Variants in FBXW5 observed in about 807,000 individuals in gnomAD.
FBXW5 encodes the protein F-box/WD repeat-containing protein 5.
Under a neutral mutation model 50.9 loss-of-function variants are expected in FBXW5, and 74 were observed. That is an observed-to-expected ratio of 1.45 (90% CI 1.20 to 1.76). The LOEUF (loss-of-function observed/expected upper bound fraction) is 1.76, where lower values mean the gene tolerates loss of function less well. Ranked by LOEUF, FBXW5 falls within the 40% of genes most tolerant of loss-of-function variation. FBXW5 has a pLI of 0.00. For synonymous variants in FBXW5, 523 were observed against 362.2 expected, an observed-to-expected ratio of 1.44 and a Z score of -5.04; for missense variants, 1,073 against 818.8, an observed-to-expected ratio of 1.31 and a Z score of -3.79.
chr9:136,942,011 G>A, intron 6 of FBXW5, 35 bp downstream of exon 6: 2 of 1,571,062 alleles, frequency 1.3e-6, no homozygotes, highest in Non-Finnish European at 1.7e-6. Context: ...CAAGCTCCTA[G>A]GACCGAGGCG....
In FBXW5 at chr9:136,944,141, C is replaced by A; in HGVS notation, c.-23-35G>T. The A allele has an allele frequency of 6.0e-6, 9 of 1,500,860 alleles. No individual in the cohort carries two copies. In the South Asian group the frequency reaches 9.0e-5, roughly 15 times the overall value. The allele number at this position is 1,500,860 out of a possible 1,614,324, so 93.0% of individuals were successfully genotyped here. A position where few individuals can be genotyped will look rare whatever the true frequency, so the allele number is the denominator to read the frequency against. On this transcript the variant is annotated intron_variant, in intron 1 of 8. Transcript: ENST00000325285. Reference sequence around the variant, plus strand: ...ACCAACGGCTGCCCTCAGCCCAGGCCCGGGAAGGGAGGCCGAGAGCGGGCG... The same window carrying A: ...ACCAACGGCTGCCCTCAGCCCAGGCACGGGAAGGGAGGCCGAGAGCGGGCG...
rs200879994 is a variant in FBXW5, at chr9:136,941,557, C to T, written c.1224G>A (p.Met408Ile). The T allele has an allele frequency of 9.3e-6, 15 of 1,611,298 alleles. No homozygotes were observed. The East Asian group carries it at 1.8e-4, about 19-fold the overall frequency. Reference sequence around the variant, plus strand: ...CCCACCTGTTGTCGGGCGACAGGCCCATGCCGATGATGTGTCCGTGTATGT... The same window carrying T: ...CCCACCTGTTGTCGGGCGACAGGCCTATGCCGATGATGTGTCCGTGTATGT... The part of the protein sequence containing the change: ...VIDIHGHIIG[M>I]GLSPDNRYLY... Residue 408 changes from methionine (M) to isoleucine (I), a missense_variant, in exon 7 of 9, where the codon ATG (methionine) becomes ATA (isoleucine). Transcript: ENST00000325285.
intron 2 of FBXW5, 93 bp from the exon 3 acceptor site, chr9:136,943,599 G>C: frequency 6.8e-7 from 1 of 1,479,064 alleles, no homozygotes; most frequent in Non-Finnish European, 9.1e-7. Context: ...GGCAGGCCCC[G>C]TGGTGCCCCT....
At chr9:136,941,211 T>C in intron 8 of FBXW5, 40 bp from the exon 9 acceptor site, 2 of 1,599,440 alleles carry the variant, frequency 1.3e-6, no homozygotes, top group South Asian at 2.2e-5. Flanking sequence ...GCCCGCCCGC[T>C]GCTGCCCACA....
At position 136,943,406 on chromosome 9, in the gene FBXW5, G is replaced by C; in HGVS notation, c.294C>G (p.Leu98=). The C allele has an allele frequency of 6.2e-7, 1 of 1,612,928 alleles. No homozygotes were observed. Among genetic ancestry groups the C allele is most frequent in the Non-Finnish European group, 8.5e-7 (1 of 1,179,972 alleles). The stretch of plus-strand genomic sequence containing the variant: ...ACTGGTACCCGGAATGGGAGAAGCT[G>C]AGGTGCAGGACCTGGTCTGTGTGTT... The part of the protein sequence containing the change: ...LREHTDQVLH[L]SFSHSGYQFA... Residue 98 remains leucine (L), a synonymous_variant, in exon 3 of 9, where the codon CTC becomes CTG. Coordinates refer to ENST00000325285, the MANE Select transcript of FBXW5 (RefSeq NM_018998.4).
intron 2 of FBXW5, 144 bp downstream of exon 2, chr9:136,943,747 C>T: frequency 9.3e-7 from 1 of 1,075,864 alleles, no homozygotes; most frequent in East Asian, 2.6e-5. Context: ...TGCGCTGTGT[C>T]CTGACAGGCC....
At position 136,944,027 on chromosome 9, in the gene FBXW5, C is replaced by T. The variant is rs1344524251; in HGVS notation, c.57G>A (p.Leu19=). The change falls in exon 2 of 9, where the codon CTG becomes CTA. Residue 19 remains leucine (L), a synonymous_variant. Transcript: ENST00000325285. ...LPDSLVYQIF[L]SLGPADVLAA... ...CCAGCACGTCGGCCGGGCCCAGGCT[C>T]AGGAAGATCTGGTAGACCAGGCTGT... 6.2e-7 allele frequency: 1 copy of T among 1,603,956 alleles called. No homozygotes were observed.
In FBXW5 at chr9:136,941,038, CG is replaced by C; in HGVS notation, c.1590del (p.Ser530ArgfsTer74). 6.4e-7 allele frequency: 1 copy of C among 1,553,930 alleles called. No homozygotes were observed. The highest frequency in any genetic ancestry group is 8.7e-7 in the Non-Finnish European group (1 of 1,148,580). On this transcript the variant is annotated frameshift_variant, in exon 9 of 9. Coordinates refer to ENST00000325285, the MANE Select transcript of FBXW5 (RefSeq NM_018998.4). LOFTEE classifies it high-confidence loss of function. ...CGCCAGGCTTTGATGGTGGCGTCGT[CG>C]CTGGCCGTGAGCAGCAGCTCCTGCT... is the stretch of plus-strand genomic sequence containing the variant. ...PQEQELLLTASDDATIKAWRS... is the reference protein window; with the variant it reads ...PQEQELLLTAXDDATIKAWRS...
rs372226218 is a variant in FBXW5, at chr9:136,941,574, C to T, written c.1207G>A (p.Gly403Arg). 51 of 1,611,192 alleles carry T rather than the reference C, an allele frequency of 3.2e-5. No homozygotes were observed. Among genetic ancestry groups the T allele is most frequent in the Non-Finnish European group, 4.2e-5 (49 of 1,179,502 alleles). Residue 403 changes from glycine to arginine, a missense_variant, in exon 7 of 9, where the codon GGA becomes AGA. Physicochemically the swap from Gly to Arg is moderately radical, Grantham distance 125. Coordinates refer to ENST00000325285, the MANE Select transcript of FBXW5 (RefSeq NM_018998.4). ...DALDHVIDIH[G>R]HIIGMGLSPD... ...GACAGGCCCATGCCGATGATGTGTC[C>T]GTGTATGTCTATGACGTGGTCCAGC... is the stretch of plus-strand genomic sequence containing the variant.
At chr9:136,943,143 T>G (rs1588461767) in intron 3 of FBXW5, 200 bp from the exon 4 acceptor site, 1 of 1,023,376 alleles carries the variant, frequency 9.8e-7, no homozygotes, top group Non-Finnish European at 1.4e-6. Flanking sequence ...GGCGGCTGTG[T>G]GTGGGACCCT....
At chr9:136,944,449 G>T in intron 1 of FBXW5, 145 bp downstream of exon 1, 1 of 953,044 alleles carries the variant, frequency 1.0e-6, no homozygotes, top group Non-Finnish European at 1.3e-6. Flanking sequence ...AGTGGCCTCC[G>T]CCCTGCGGCC....
Position 136,942,542 on chromosome 9 carries a change from C to T in FBXW5, c.675+5G>A, listed in dbSNP as rs369780080. 46 of 1,608,950 alleles carry T rather than the reference C, an allele frequency of 2.9e-5. No homozygotes were observed. The highest frequency in any genetic ancestry group is 5.5e-5 in the South Asian group (5 of 91,022). The stretch of plus-strand genomic sequence containing the variant: ...GGGCAGCCCCGCCCCTAGCCCCGCA[C>T]GCACCTGGAAGGCATTGTTGAGCCA... On this transcript the variant is annotated splice_donor_5th_base_variant and intron_variant, in intron 5 of 8. Transcript: ENST00000325285.
At chr9:136,941,937 G>C in intron 6 of FBXW5, 109 bp downstream of exon 6, 3 of 1,449,840 alleles carry the variant, frequency 2.1e-6, no homozygotes, top group Non-Finnish European at 2.7e-6. Context: ...GCGAGTGAAC[G>C]ATCCCAGCTT....
rs1481036713 is a variant in FBXW5, at chr9:136,941,023, T to C, written c.1606A>G (p.Lys536Glu). 2.6e-6 allele frequency: 4 copies of C among 1,553,306 alleles called. No individual in the cohort carries two copies. In the East Asian group the frequency reaches 7.3e-5, roughly 28 times the overall value. ...ATGGTGCGTGGGGAGCGCCAGGCTTTGATGGTGGCGTCGTCGCTGGCCGTG... is the reference window on the plus strand; with the variant it reads ...ATGGTGCGTGGGGAGCGCCAGGCTTCGATGGTGGCGTCGTCGCTGGCCGTG... ...LLTASDDATI[K>E]AWRSPRTMRV... Residue 536 changes from lysine to glutamate, a missense_variant, in exon 9 of 9, where the codon AAA becomes GAA. Coordinates refer to ENST00000325285, the MANE Select transcript of FBXW5 (RefSeq NM_018998.4).
rs199873362 is a variant in FBXW5 at position 136,941,363 on chromosome 9, C to G, written c.1345G>C (p.Asp449His). The G allele has an allele frequency of 5.6e-6, 9 of 1,611,672 alleles. No homozygotes were observed. Among genetic ancestry groups the G allele is most frequent in the South Asian group, 5.5e-5 (5 of 91,084 alleles). Reference protein sequence around the residue: ...IAEEIDLLVFDLKTMREVRRA... With the variant: ...IAEEIDLLVFHLKTMREVRRA... ...CTCACCTCCCGCATGGTCTTGAGGT[C>G]GAACACCAGCAGGTCAATCTCCTCC... is the stretch of plus-strand genomic sequence containing the variant. Residue 449 changes from aspartate to histidine, a missense_variant, in exon 8 of 9, where the codon GAC becomes CAC. Physicochemically the swap from Asp to His is moderately conservative, Grantham distance 81. Transcript: ENST00000325285.
intron 3 of FBXW5, 28 bp downstream of exon 3, chr9:136,943,321 G>A (rs1335709174): frequency 1.1e-5 from 18 of 1,605,764 alleles, no homozygotes; most frequent in Admixed American, 1.7e-5. Context: ...AGCTGGGTGG[G>A]GTGTGCAGGA....
chr9:136,942,768 C>T lies in FBXW5; in HGVS notation c.526+1G>A, dbSNP rs766401515. 5.0e-5 allele frequency: 80 copies of T among 1,612,718 alleles called. No homozygotes were observed. The highest frequency in any genetic ancestry group is 6.6e-5 in the Non-Finnish European group (78 of 1,179,930). On this transcript the variant is annotated splice_donor_variant, in intron 4 of 8. Transcript: ENST00000325285. LOFTEE classifies it high-confidence loss of function. ...AGGGTCAACCCGCCGCCCGTGCTCACCTAGGCTGATGACAGCAATCTCGCC... is the reference window on the plus strand; with the variant it reads ...AGGGTCAACCCGCCGCCCGTGCTCATCTAGGCTGATGACAGCAATCTCGCC...
chr9:136,941,779 A>G, intron 6 of FBXW5, 95 bp from the exon 7 acceptor site: 1 of 1,419,038 alleles, frequency 7.0e-7, no homozygotes, highest in South Asian at 1.4e-5. Flanking sequence ...TGGGGCTGTG[A>G]GCACCACAGA....
In FBXW5 at chr9:136,943,996, C is replaced by A; in HGVS notation, c.88G>T (p.Gly30Trp). ...GCCTGCCATTGGCGGCACACCAGCC[C>A]GGCGGCCAGCACGTCGGCCGGGCCC... ...SLGPADVLAA[G>W]LVCRQWQAVS... Residue 30 changes from glycine to tryptophan, a missense_variant, in exon 2 of 9, where the codon GGG (glycine) becomes TGG (tryptophan). Transcript: ENST00000325285. 1.3e-6 allele frequency: 2 copies of A among 1,591,780 alleles called. No homozygotes were observed. Among genetic ancestry groups the A allele is most frequent in the Non-Finnish European group, 1.7e-6 (2 of 1,170,470 alleles).
Sources: gnomAD v4.1 joint callset for allele counts on GRCh38, gnomAD v4.1.1 for gene constraint, MANE v1.5 for transcripts, NCBI Gene and HGNC (gene_info 2026-07-23, HGNC 2026-07-21) for gene names.